Variants in ADAMTS17 observed in about 807,000 individuals in gnomAD.
ADAMTS17 encodes A disintegrin and metalloproteinase with thrombospondin motifs 17.
A neutral mutation model predicts 141.5 loss-of-function variants in ADAMTS17; 113 were observed. That is an observed-to-expected ratio of 0.80 (90% CI 0.69 to 0.93). ADAMTS17 has a LOEUF of 0.93. Among genes scored for constraint, ADAMTS17 ranks in the 40% least tolerant of loss-of-function variants. ADAMTS17 has a pLI of 0.00. For missense variants in ADAMTS17, 1,659 were observed against 1,517.9 expected, an observed-to-expected ratio of 1.09 and a Z score of -1.54; for synonymous variants, 768 against 630.6, an observed-to-expected ratio of 1.22 and a Z score of -3.27.
chr15:100,100,709 G>T (rs1386324238), intron 14 of ADAMTS17, among the ~76,000 whole-genome samples: 3 of 152,114 alleles, frequency 2.0e-5, no homozygotes, highest in African/African-American at 4.8e-5. Context: ...ATCAGGACAT[G>T]AACTATGGGA....
chr15:100,254,219 C>A (rs1345373465), intron 6 of ADAMTS17, 40 bp from the exon 7 acceptor site: 1 of 1,575,602 alleles, frequency 6.3e-7, no homozygotes, highest in Non-Finnish European at 8.7e-7. Flanking sequence ...TATGCAGTAT[C>A]CCCAAGAATG....
chr15:100,033,674 CA>C (rs2030412413), intron 18 of ADAMTS17, among the ~76,000 whole-genome samples: 1 of 152,232 alleles, frequency 6.6e-6, no homozygotes, highest in Admixed American at 6.5e-5. Flanking sequence ...TAAGACTTTG[CA>C]GGAACCTGGG....
At chr15:100,266,257 C>T (rs151177377) in intron 4 of ADAMTS17, among the ~76,000 whole-genome samples, 23 of 152,300 alleles carry the variant, frequency 1.5e-4, no homozygotes, top group African/African-American at 5.3e-4. Context: ...TTCCTGCTCC[C>T]GTGTCACCGC....
At chr15:100,153,184 G>C (rs751043100) in intron 9 of ADAMTS17, among the ~76,000 whole-genome samples, 1 of 152,208 alleles carries the variant, frequency 6.6e-6, no homozygotes, top group Non-Finnish European at 1.5e-5. Context: ...TAAAATCAAA[G>C]TGCTTATTTC....
Position 100,053,961 on chromosome 15 carries a change from A to T in ADAMTS17, c.2231T>A (p.Val744Glu). Residue 744 changes from valine (V) to glutamate (E), a missense_variant, in exon 16 of 22, where the codon GTG becomes GAG. Coordinates refer to ENST00000268070, the MANE Select transcript of ADAMTS17 (RefSeq NM_139057.4). Reference sequence around the variant, plus strand: ...GATCTTCTCCCACAGCCCCCTTCTCACATAGCGAACAGTTGTGCCTGCAAT... The same window carrying T: ...GATCTTCTCCCACAGCCCCCTTCTCTCATAGCGAACAGTTGTGCCTGCAAT... The part of the protein sequence containing the change: ...FQIAGTTVRY[V>E]RRGLWEKISA... The T allele has an allele frequency of 6.2e-7, 1 of 1,614,206 alleles. No individual in the cohort carries two copies. The highest frequency in any genetic ancestry group is 8.5e-7 in the Non-Finnish European group (1 of 1,180,032).
At chr15:100,118,764 G>A (rs957534171) in intron 12 of ADAMTS17, among the ~76,000 whole-genome samples, 2 of 152,188 alleles carry the variant, frequency 1.3e-5, no homozygotes, top group Non-Finnish European at 2.9e-5. Context: ...GGATCAGTAG[G>A]AGAAACATCA....
intron 15 of ADAMTS17, among the ~76,000 whole-genome samples, chr15:100,058,296 C>T (rs1189046927): frequency 3.8e-5 from 2 of 52,606 alleles, no homozygotes; most frequent in Admixed American, 1.5e-4. Flanking sequence ...CCTCCTATCC[C>T]GGCTCTAACA....
intron 10 of ADAMTS17, among the ~76,000 whole-genome samples, chr15:100,146,600 G>A (rs1255653934): frequency 6.6e-6 from 1 of 152,194 alleles, no homozygotes; most frequent in Admixed American, 6.5e-5. Context: ...AAAAAGAACA[G>A]GATAACAGCA....
chr15:100,004,958 G>A (rs2061010073), intron 18 of ADAMTS17, among the ~76,000 whole-genome samples: 1 of 152,202 alleles, frequency 6.6e-6, no homozygotes. Flanking sequence ...GTTTTGGCAT[G>A]TATGCCAGGC....
In ADAMTS17 at chr15:99,976,217, C is replaced by A. The variant is rs139663417; in HGVS notation, c.2955G>T (p.Ser985=). The A allele has an allele frequency of 2.6e-6, 4 of 1,545,428 alleles. No homozygotes were observed. Among genetic ancestry groups the A allele is most frequent in the South Asian group, 2.4e-5 (2 of 84,062 alleles). ...ACTGCAGGCCCTTCCCGCAGGTCGA[C>A]GAGCACTGCAGAGACAGGACAGCCT... is the stretch of plus-strand genomic sequence containing the variant. ...EWKTGDWSTC[S]STCGKGLQSR... is the part of the protein sequence containing the mutation. The change falls in exon 21 of 22, where the codon TCG becomes TCT. Residue 985 remains serine (S), a synonymous_variant. Coordinates refer to ENST00000268070, the MANE Select transcript of ADAMTS17 (RefSeq NM_139057.4).
At chr15:100,246,807 TAA>T (rs996399499) in intron 7 of ADAMTS17, among the ~76,000 whole-genome samples, 24 of 152,326 alleles carry the variant, frequency 1.6e-4, no homozygotes, top group African/African-American at 5.1e-4. Flanking sequence ...TATTTTTTCA[TAA>T]GTTTATTTGC....
chr15:100,331,507 A>G (rs1482471496), intron 2 of ADAMTS17, among the ~76,000 whole-genome samples: 1 of 152,144 alleles, frequency 6.6e-6, no homozygotes, highest in Admixed American at 6.5e-5. Flanking sequence ...TTTTGACAGC[A>G]TCAAAACAAT....
At chr15:100,205,422 A>C (rs925622839) in intron 7 of ADAMTS17, among the ~76,000 whole-genome samples, 8 of 152,220 alleles carry the variant, frequency 5.3e-5, no homozygotes, top group Admixed American at 3.3e-4. Context: ...TCAAAAGGCC[A>C]CAGCCAACTT....
At chr15:100,240,548 G>A (rs2042799525) in intron 7 of ADAMTS17, among the ~76,000 whole-genome samples, 1 of 152,100 alleles carries the variant, frequency 6.6e-6, no homozygotes, top group African/African-American at 2.4e-5. Flanking sequence ...TTAATCACTG[G>A]AGAGAACCCC....
intron 7 of ADAMTS17, among the ~76,000 whole-genome samples, chr15:100,234,676 T>A (rs1209236927): frequency 1.3e-5 from 2 of 152,342 alleles, no homozygotes; most frequent in Middle Eastern, 3.4e-3. Flanking sequence ...TACCTTGGCA[T>A]TCGCAGCTCT....
intron 3 of ADAMTS17, among the ~76,000 whole-genome samples, chr15:100,283,546 C>A (rs1224704075): frequency 6.6e-6 from 1 of 152,226 alleles, no homozygotes; most frequent in African/African-American, 2.4e-5. Context: ...GCAGCCGCCG[C>A]CCTTCTCAAA....
At chr15:100,226,050 GTCCT>G (rs939416237) in intron 7 of ADAMTS17, among the ~76,000 whole-genome samples, 2 of 146,834 alleles carry the variant, frequency 1.4e-5, no homozygotes, top group Non-Finnish European at 3.0e-5. Context: ...TGCCCATTCA[GTCCT>G]TACAGCAGTC....
chr15:99,976,639 G>T, intron 20 of ADAMTS17: 1 of 316,696 alleles, frequency 3.2e-6, no homozygotes, highest in Non-Finnish European at 6.1e-6. Flanking sequence ...TGAGGGTGGA[G>T]CCTCCATGCT....
At chr15:100,063,903 C>A in intron 15 of ADAMTS17, 1 of 481,080 alleles carries the variant, frequency 2.1e-6, no homozygotes, top group South Asian at 1.7e-5. Flanking sequence ...GGAGGCTCTC[C>A]TAAGGCCAGG....
Sources: allele counts gnomAD v4.1 joint callset (sites outside exome capture counted in the v4.1 genomes callset), GRCh38; gene constraint gnomAD v4.1.1; transcripts MANE v1.5; gene names NCBI Gene and HGNC (gene_info 2026-07-23, HGNC 2026-07-21).